Variants in LRRC4C observed in about 807,000 individuals in gnomAD.
The protein encoded by LRRC4C is leucine rich repeat containing 4C.
In LRRC4C, 5 loss-of-function variants were observed where a neutral mutation model predicts 33.6. The ratio of observed to expected loss-of-function variants is 0.15; its 90% confidence interval spans 0.08 to 0.31. The LOEUF is 0.31. Among genes scored for constraint, LRRC4C ranks in the 10% least tolerant of loss-of-function variants. The pLI is 1.00. For missense variants in LRRC4C, 560 were observed against 796.7 expected (o/e 0.70, Z 3.58); for synonymous variants, 329 against 302.0 (o/e 1.09, Z -0.93).
chr11:40,283,145 C>G (rs986416459), intron 4 of LRRC4C, among the ~76,000 whole-genome samples: 2 of 152,202 alleles, frequency 1.3e-5, no homozygotes, highest in African/African-American at 4.8e-5. Flanking sequence ...TACATTACCA[C>G]ACCTACAGTA....
intron 1 of LRRC4C, among the ~76,000 whole-genome samples, chr11:40,937,768 G>A (rs1443161973): frequency 1.3e-5 from 2 of 152,070 alleles, no homozygotes; most frequent in African/African-American, 2.4e-5. Flanking sequence ...TCAGCCTGCC[G>A]AGTAGCTGGG....
At chr11:41,154,228 A>C (rs1020419037) in intron 1 of LRRC4C, among the ~76,000 whole-genome samples, 1 of 152,154 alleles carries the variant, frequency 6.6e-6, no homozygotes, top group African/African-American at 2.4e-5. Context: ...ATTCTACAGT[A>C]CTTATTGGAT....
At chr11:41,349,482 A>C (rs1565602734) in intron 1 of LRRC4C, among the ~76,000 whole-genome samples, 1 of 152,138 alleles carries the variant, frequency 6.6e-6, no homozygotes, top group Non-Finnish European at 1.5e-5. Flanking sequence ...CAAAACAAAA[A>C]AACAACAACA....
chr11:40,640,889 G>A (rs1591349827), intron 3 of LRRC4C, among the ~76,000 whole-genome samples: 1 of 151,646 alleles, frequency 6.6e-6, no homozygotes, highest in African/African-American at 2.4e-5. Flanking sequence ...GGTGGCGGGC[G>A]CCTGTAGTCC....
At chr11:41,211,564 G>A (rs557600240) in intron 1 of LRRC4C, among the ~76,000 whole-genome samples, 117 of 151,912 alleles carry the variant, frequency 7.7e-4, no homozygotes, top group Non-Finnish European at 1.4e-3. Flanking sequence ...CCACCTATGT[G>A]TGAGAACATG....
At chr11:40,142,583 C>T (rs979435890) in intron 5 of LRRC4C, among the ~76,000 whole-genome samples, 24 of 152,130 alleles carry the variant, frequency 1.6e-4, no homozygotes, top group African/African-American at 5.3e-4. Flanking sequence ...TTATGAAACA[C>T]CTTTTGCACT....
Position 40,406,868 on chromosome 11 carries a change from T to C in LRRC4C, c.-269-87147A>G, listed in dbSNP as rs117319382. 1.5e-3 allele frequency among the ~76,000 whole-genome samples: 221 copies of C among 152,246 alleles called. 6 individuals are homozygous for C. The East Asian group carries it at 0.038, about 26-fold the overall frequency. On this transcript the variant is annotated intron_variant, in intron 3 of 6. Transcript: ENST00000528697. ...GCAAGGAAATATGAAATACTGTAAT[T>C]GGCCAATTTTGAAATTCTATCCCCA...
chr11:40,760,370 A>G (rs1346050251), intron 2 of LRRC4C, among the ~76,000 whole-genome samples: 1 of 151,016 alleles, frequency 6.6e-6, no homozygotes, highest in Non-Finnish European at 1.5e-5. Context: ...CGGAGACCAT[A>G]TGGCTCACAA....
chr11:41,136,658 T>C (rs1231183978), intron 1 of LRRC4C, among the ~76,000 whole-genome samples: 1 of 152,204 alleles, frequency 6.6e-6, no homozygotes, highest in Non-Finnish European at 1.5e-5. Flanking sequence ...CCCTGGCTTC[T>C]GGCTTCAGGT....
chr11:40,440,299 C>CTTTTTTTTTTTTTTTTTT (rs66998647), intron 3 of LRRC4C, among the ~76,000 whole-genome samples: 2 of 131,872 alleles, frequency 1.5e-5, no homozygotes, highest in Non-Finnish European at 3.2e-5. Flanking sequence ...TGGTCTCTTT[C>CTTTTTTTTTTTTTTTTTT]TTTTTTTTTT....
At chr11:40,413,331 T>C (rs1037282614) in intron 3 of LRRC4C, among the ~76,000 whole-genome samples, 3 of 152,034 alleles carry the variant, frequency 2.0e-5, no homozygotes, top group African/African-American at 7.2e-5. Flanking sequence ...TCACACACCT[T>C]ACACTCGGCC....
At chr11:41,349,454 G>A (rs2956780) in intron 1 of LRRC4C, among the ~76,000 whole-genome samples, 99,155 of 151,188 alleles carry the variant, frequency 0.66, 32,697 homozygotes, top group East Asian at 0.79. Flanking sequence ...GGGGCTGGAG[G>A]AAAAAAACAA....
chr11:40,570,109 A>C (rs1413038788), intron 3 of LRRC4C, among the ~76,000 whole-genome samples: 5 of 152,064 alleles, frequency 3.3e-5, no homozygotes, highest in Non-Finnish European at 7.4e-5. Context: ...CATACATATA[A>C]ATAAATCTAT....
At chr11:40,474,018 C>T (rs772404935) in intron 3 of LRRC4C, among the ~76,000 whole-genome samples, 1 of 152,132 alleles carries the variant, frequency 6.6e-6, no homozygotes, top group Non-Finnish European at 1.5e-5. Flanking sequence ...ATGAAAATGG[C>T]CATACTTCCC....
chr11:40,234,633 T>C (rs1049148760), intron 5 of LRRC4C, among the ~76,000 whole-genome samples: 8 of 152,116 alleles, frequency 5.3e-5, no homozygotes, highest in Admixed American at 1.3e-4. Context: ...TGGCCAGATA[T>C]GTTGGCACAC....
intron 4 of LRRC4C, among the ~76,000 whole-genome samples, chr11:40,290,163 T>A (rs1944096880): frequency 6.6e-6 from 1 of 152,178 alleles, no homozygotes; most frequent in Admixed American, 6.6e-5. Context: ...ATCAAGTACA[T>A]GTTTTTCCTC....
intron 1 of LRRC4C, among the ~76,000 whole-genome samples, chr11:41,391,213 C>G (rs561760893): frequency 6.6e-6 from 1 of 151,694 alleles, no homozygotes; most frequent in South Asian, 2.1e-4. Flanking sequence ...CTTCAGTGTT[C>G]TATACTCAGT....
chr11:40,125,352 C>A (rs1264701219), intron 6 of LRRC4C, among the ~76,000 whole-genome samples: 2 of 149,552 alleles, frequency 1.3e-5, no homozygotes, highest in African/African-American at 4.9e-5. Flanking sequence ...GAGGACAAAG[C>A]TGATAAGAAA....
chr11:40,682,237 T>G (rs1944725499), intron 2 of LRRC4C, among the ~76,000 whole-genome samples: 1 of 149,068 alleles, frequency 6.7e-6, no homozygotes, highest in Admixed American at 6.7e-5. Flanking sequence ...ACCACTGCAC[T>G]CCAGCCTGGG....
Sources: allele counts gnomAD v4.1 joint callset (sites outside exome capture counted in the v4.1 genomes callset), GRCh38; gene constraint gnomAD v4.1.1; transcripts MANE v1.5; gene names NCBI Gene and HGNC (gene_info 2026-07-23, HGNC 2026-07-21).